The following SGCZ variants were observed in gnomAD, a reference collection of about 807,000 sequenced individuals.
SGCZ encodes the protein sarcoglycan zeta, also known as zeta-sarcoglycan.
SGCZ carries 40 observed loss-of-function variants against 41.3 expected under a neutral mutation model. The observed-to-expected ratio is 0.97, with a 90% confidence interval of 0.75 to 1.26. SGCZ has a LOEUF of 1.26. Ranked by LOEUF, SGCZ falls within the 50% of genes most tolerant of loss-of-function variation. The pLI is 0.00. For synonymous variants in SGCZ, 206 were observed against 137.5 expected (o/e 1.50, Z -3.49); for missense variants, 552 against 369.8 (o/e 1.49, Z -4.04).
chr8:15,222,255 C>A (rs1264164431), intron 1 of SGCZ, among the ~76,000 whole-genome samples: 1 of 152,050 alleles, frequency 6.6e-6, no homozygotes, highest in Non-Finnish European at 1.5e-5. Flanking sequence ...ATTATGTCAT[C>A]CATATTCCAG....
chr8:15,153,256 A>G (rs958035779), intron 1 of SGCZ, among the ~76,000 whole-genome samples: 8 of 142,668 alleles, frequency 5.6e-5, no homozygotes, highest in African/African-American at 2.0e-4. Flanking sequence ...AAAATAAACA[A>G]CATAAAACTT....
intron 3 of SGCZ, among the ~76,000 whole-genome samples, chr8:14,246,078 C>G (rs953728032): frequency 2.0e-5 from 3 of 152,006 alleles, no homozygotes; most frequent in Non-Finnish European, 2.9e-5. Flanking sequence ...ACCATTTGAC[C>G]CAGCCATCAC....
At chr8:14,321,986 T>C (rs1430153977) in intron 3 of SGCZ, among the ~76,000 whole-genome samples, 12 of 152,068 alleles carry the variant, frequency 7.9e-5, no homozygotes, top group African/African-American at 2.9e-4. Context: ...TAGAAGTAAA[T>C]AGTAAATGAC....
At chr8:14,351,587 A>G (rs1260179068) in intron 2 of SGCZ, among the ~76,000 whole-genome samples, 1 of 151,312 alleles carries the variant, frequency 6.6e-6, no homozygotes, top group African/African-American at 2.4e-5. Context: ...TGTATATATT[A>G]TATAGGAAAT....
chr8:14,188,679 A>G (rs1804985421), intron 4 of SGCZ, among the ~76,000 whole-genome samples: 1 of 152,310 alleles, frequency 6.6e-6, no homozygotes, highest in Non-Finnish European at 1.5e-5. Context: ...TAAATGGATG[A>G]ATTGTATGAT....
intron 1 of SGCZ, among the ~76,000 whole-genome samples, chr8:14,841,449 C>A (rs1416573151): frequency 1.3e-5 from 2 of 152,092 alleles, no homozygotes; most frequent in Non-Finnish European, 2.9e-5. Flanking sequence ...AAATTCTATC[C>A]TTTCTGAGAA....
At chr8:14,615,176 A>C (rs1317980666) in intron 1 of SGCZ, among the ~76,000 whole-genome samples, 1 of 152,240 alleles carries the variant, frequency 6.6e-6, no homozygotes, top group African/African-American at 2.4e-5. Context: ...TGTTACATTA[A>C]ATAAGCAGGA....
At chr8:15,028,210 T>C (rs1184661761) in intron 1 of SGCZ, among the ~76,000 whole-genome samples, 1 of 152,142 alleles carries the variant, frequency 6.6e-6, no homozygotes, top group East Asian at 1.9e-4. Flanking sequence ...GAATTTAGAA[T>C]GAGGTTGCAT....
At chr8:14,249,130 G>A (rs1316255876) in intron 3 of SGCZ, among the ~76,000 whole-genome samples, 1 of 152,078 alleles carries the variant, frequency 6.6e-6, no homozygotes, top group Non-Finnish European at 1.5e-5. Flanking sequence ...TCCCATTCAG[G>A]AAGATTTTCT....
At chr8:14,327,239 A>AT (rs1802153884) in intron 2 of SGCZ, among the ~76,000 whole-genome samples, 1 of 152,202 alleles carries the variant, frequency 6.6e-6, no homozygotes, top group South Asian at 2.1e-4. Context: ...TTCAGGCATG[A>AT]TAAGACTTAC....
chr8:15,107,135 T>G (rs1221914472), intron 1 of SGCZ, among the ~76,000 whole-genome samples: 1 of 152,194 alleles, frequency 6.6e-6, no homozygotes, highest in Non-Finnish European at 1.5e-5. Flanking sequence ...TTATAGGGAT[T>G]CATAATTGAG....
intron 1 of SGCZ, among the ~76,000 whole-genome samples, chr8:14,667,984 T>G (rs921462898): frequency 6.6e-6 from 1 of 152,090 alleles, no homozygotes; most frequent in East Asian, 1.9e-4. Flanking sequence ...TGAGATGGAG[T>G]CTCACTCTGT....
intron 2 of SGCZ, among the ~76,000 whole-genome samples, chr8:14,549,531 C>T (rs1411260924): frequency 6.6e-6 from 1 of 151,970 alleles, no homozygotes; most frequent in Non-Finnish European, 1.5e-5. Context: ...TAAAAAAAGT[C>T]AGCGAAAAAT....
chr8:14,427,779 T>C (rs1427499005), intron 2 of SGCZ, among the ~76,000 whole-genome samples: 1 of 152,098 alleles, frequency 6.6e-6, no homozygotes, highest in Non-Finnish European at 1.5e-5. Context: ...ATGACAGTAA[T>C]TCAACTTAAA....
intron 1 of SGCZ, among the ~76,000 whole-genome samples, chr8:14,566,786 C>T (rs574116508): frequency 4.6e-5 from 7 of 152,316 alleles, no homozygotes; most frequent in Admixed American, 3.9e-4. Flanking sequence ...TGGCCAAGGC[C>T]GGAGCTGGCT....
intron 1 of SGCZ, among the ~76,000 whole-genome samples, chr8:14,779,645 G>T (rs964406507): frequency 1.3e-5 from 2 of 152,180 alleles, no homozygotes; most frequent in African/African-American, 4.8e-5. Context: ...CAACTGAAGT[G>T]AAAATATTCT....
intron 2 of SGCZ, among the ~76,000 whole-genome samples, chr8:14,495,046 C>T (rs1298344262): frequency 2.0e-5 from 3 of 152,120 alleles, no homozygotes; most frequent in Non-Finnish European, 2.9e-5. Flanking sequence ...TCTGAACATG[C>T]TCCCCAGTTG....
intron 1 of SGCZ, among the ~76,000 whole-genome samples, chr8:14,751,738 T>A (rs1411944279): frequency 6.6e-6 from 1 of 151,882 alleles, no homozygotes; most frequent in Non-Finnish European, 1.5e-5. Context: ...TTAGTAGAAA[T>A]GAGGTTTCAC....
At chr8:14,627,437 C>A (rs1184357484) in intron 1 of SGCZ, among the ~76,000 whole-genome samples, 1 of 152,048 alleles carries the variant, frequency 6.6e-6, no homozygotes, top group Admixed American at 6.6e-5. Flanking sequence ...CATTGTGTTT[C>A]TTCTTCCAAC....
Sources: gnomAD v4.1 joint callset for allele counts (sites outside exome capture counted in the v4.1 genomes callset) on GRCh38, gnomAD v4.1.1 for gene constraint, MANE v1.5 for transcripts, NCBI Gene and HGNC (gene_info 2026-07-23, HGNC 2026-07-21) for gene names.